LRRC7: variants seen among roughly 807,000 people sequenced by gnomAD.
LRRC7 encodes leucine-rich repeat-containing protein 7.
A neutral mutation model predicts 175.7 loss-of-function variants in LRRC7; 23 were observed. The observed-to-expected ratio is 0.13, with a 90% CI of 0.09 to 0.19. The LOEUF (loss-of-function observed/expected upper bound fraction) is 0.19, where lower values mean the gene tolerates loss of function less well. LRRC7 is among the 10% of genes least tolerant of loss of function. The pLI, the probability that LRRC7 is intolerant of heterozygous loss-of-function variation, is 1.00. For synonymous variants in LRRC7, 685 were observed against 680.9 expected, an observed-to-expected ratio of 1.01 and a Z score of -0.09; for missense variants, 1,354 against 1,904.7, an observed-to-expected ratio of 0.71 and a Z score of 5.38.
intron 7 of LRRC7, among the ~76,000 whole-genome samples, chr1:69,882,784 A>C (rs7516929): frequency 0.56 from 69,654 of 124,170 alleles, 19,152 homozygotes; most frequent in East Asian, 0.7. Context: ...CCACCACAGT[A>C]TCCAGAGTGT....
chr1:70,114,131 A>G (rs1351455801), intron 26 of LRRC7, among the ~76,000 whole-genome samples: 1 of 152,184 alleles, frequency 6.6e-6, no homozygotes, highest in Non-Finnish European at 1.5e-5. Context: ...CTTAAAAAAT[A>G]AAATATTTAA....
intron 17 of LRRC7, among the ~76,000 whole-genome samples, chr1:70,026,567 T>C (rs1462342056): frequency 6.6e-6 from 1 of 152,098 alleles, no homozygotes; most frequent in African/African-American, 2.4e-5. Flanking sequence ...CTGGGACTTA[T>C]TTATACTACA....
At chr1:69,652,381 C>T (rs531741123) in intron 1 of LRRC7, among the ~76,000 whole-genome samples, 80 of 149,720 alleles carry the variant, frequency 5.3e-4, no homozygotes, top group African/African-American at 2.0e-3. Flanking sequence ...AGAAACTAAT[C>T]TTATCTAAAG....
At chr1:69,887,669 G>A (rs868368761) in intron 7 of LRRC7, among the ~76,000 whole-genome samples, 17 of 152,154 alleles carry the variant, frequency 1.1e-4, no homozygotes, top group South Asian at 4.2e-4. Context: ...GAGGAACTGC[G>A]TTCCTTTGGA....
chr1:69,716,063 T>C (rs1665313748), intron 2 of LRRC7: 1 of 397,222 alleles, frequency 2.5e-6, no homozygotes, highest in South Asian at 1.2e-4. Context: ...CATTCTTGCT[T>C]ATTATGTTCA....
At chr1:69,597,259 T>C (rs1557457208) in intron 1 of LRRC7, among the ~76,000 whole-genome samples, 1 of 152,138 alleles carries the variant, frequency 6.6e-6, no homozygotes, top group African/African-American at 2.4e-5. Context: ...AGGGGTTAGA[T>C]AGACCTGGGA....
intron 1 of LRRC7, among the ~76,000 whole-genome samples, chr1:69,648,814 G>C (rs905668023): frequency 2.6e-5 from 4 of 152,100 alleles, no homozygotes; most frequent in Admixed American, 2.0e-4. Context: ...TATTTGAAGT[G>C]GTTTTTGACT....
Position 70,132,471 on chromosome 1 carries a change from T to C in LRRC7, c.*10584T>C, listed in dbSNP as rs1666708615. ...TCTTTTCTTTTCTTTTTTTTTTTTT[T>C]TTTTTTTTTTTTGAGACGGAGTCTC... On this transcript the variant is annotated 3_prime_UTR_variant, in exon 27 of 27. Transcript: ENST00000651989. 3.7e-5 allele frequency among the ~76,000 whole-genome samples: 5 copies of C among 135,366 alleles called. No individual in the cohort carries two copies. Among genetic ancestry groups the C allele is most frequent in the Middle Eastern group, 3.5e-3 (1 of 284 alleles). 88.8% of individuals were successfully genotyped at this position (135,366 alleles called of 152,430 possible).
At chr1:69,819,575 CTCTGTG>C (rs760024714) in intron 4 of LRRC7, among the ~76,000 whole-genome samples, 212 of 133,280 alleles carry the variant, frequency 1.6e-3, no homozygotes, top group Middle Eastern at 7.2e-3. Flanking sequence ...CTCTCTCTCT[CTCTGTG>C]TGTGTGTGTG....
At chr1:69,907,894 ACT>A (rs550813555) in intron 7 of LRRC7, among the ~76,000 whole-genome samples, 1,892 of 151,648 alleles carry the variant, frequency 0.012, 33 homozygotes, top group African/African-American at 0.043. Context: ...CTGGTCCTGG[ACT>A]CTTTTTGGTT....
chr1:69,595,568 A>G (rs1186886521), intron 1 of LRRC7, among the ~76,000 whole-genome samples: 2 of 151,968 alleles, frequency 1.3e-5, no homozygotes, highest in Non-Finnish European at 2.9e-5. Context: ...ATATTTTTCA[A>G]TAGTGGTTAC....
At chr1:69,615,016 C>T (rs1342989043) in intron 1 of LRRC7, among the ~76,000 whole-genome samples, 1 of 151,960 alleles carries the variant, frequency 6.6e-6, no homozygotes, top group East Asian at 1.9e-4. Context: ...ATCTTTGAGC[C>T]AAATATTTGG....
chr1:70,119,239 G>C (rs781066488), intron 26 of LRRC7, among the ~76,000 whole-genome samples: 6 of 151,964 alleles, frequency 3.9e-5, no homozygotes, highest in Non-Finnish European at 8.8e-5. Flanking sequence ...CTATGCCTCA[G>C]TGAAACAGCA....
intron 1 of LRRC7, among the ~76,000 whole-genome samples, chr1:69,627,154 C>T (rs1651718433): frequency 6.6e-6 from 1 of 152,180 alleles, no homozygotes; most frequent in Admixed American, 6.5e-5. Context: ...ACCACACTGA[C>T]TTCCATAATG....
At chr1:69,960,330 C>T (rs1431665839) in intron 8 of LRRC7, among the ~76,000 whole-genome samples, 1 of 151,834 alleles carries the variant, frequency 6.6e-6, no homozygotes, top group Non-Finnish European at 1.5e-5. Flanking sequence ...TGGTAATACC[C>T]CCCCTTATAA....
intron 2 of LRRC7, among the ~76,000 whole-genome samples, chr1:69,710,274 G>A (rs1195502411): frequency 1.3e-4 from 8 of 63,020 alleles, no homozygotes; most frequent in South Asian, 1.3e-3. Context: ...GCAAGACTCC[G>A]TCTCAAAAAA....
intron 26 of LRRC7, among the ~76,000 whole-genome samples, chr1:70,116,671 A>T (rs1328605649): frequency 6.6e-6 from 1 of 152,076 alleles, no homozygotes; most frequent in Non-Finnish European, 1.5e-5. Flanking sequence ...AGCAATGTAA[A>T]TTTTTCATAT....
At chr1:69,699,121 C>A (rs937296626) in intron 2 of LRRC7, among the ~76,000 whole-genome samples, 1 of 152,086 alleles carries the variant, frequency 6.6e-6, no homozygotes, top group Non-Finnish European at 1.5e-5. Flanking sequence ...TGTGGCGATG[C>A]CCCTTGAGAT....
At chr1:69,583,145 C>T (rs956330859) in intron 1 of LRRC7, among the ~76,000 whole-genome samples, 2 of 151,754 alleles carry the variant, frequency 1.3e-5, no homozygotes, top group African/African-American at 4.8e-5. Context: ...AATGGACATA[C>T]TTAAGAATTT....
Sources: allele counts gnomAD v4.1 joint callset (sites outside exome capture counted in the v4.1 genomes callset), GRCh38; gene constraint gnomAD v4.1.1; transcripts MANE v1.5; gene names NCBI Gene and HGNC (gene_info 2026-07-23, HGNC 2026-07-21).